Variants in IQCM observed in about 807,000 individuals in gnomAD.
The protein encoded by IQCM is IQ domain-containing protein M.
Under a neutral mutation model 57.6 loss-of-function variants are expected in IQCM, and 45 were observed. That is an observed-to-expected ratio of 0.78 (90% CI 0.62 to 1.00). IQCM has a LOEUF of 1.00. Ranked by LOEUF, IQCM falls within the 50% of genes least tolerant of loss-of-function variation. The pLI, the probability that IQCM is intolerant of heterozygous loss-of-function variation, is 0.00. For missense variants in IQCM, 468 were observed against 511.6 expected (o/e 0.91, Z 0.82); for synonymous variants, 148 against 158.9 (o/e 0.93, Z 0.51).
intron 2 of IQCM, among the ~76,000 whole-genome samples, chr4:149,794,043 T>C (rs766890729): frequency 5.3e-5 from 8 of 152,232 alleles, no homozygotes; most frequent in Non-Finnish European, 1.0e-4. Flanking sequence ...GAAGATAGCA[T>C]GCAGATGGGA....
intron 7 of IQCM, among the ~76,000 whole-genome samples, chr4:149,622,831 C>T (rs1022922901): frequency 6.6e-6 from 1 of 152,160 alleles, no homozygotes; most frequent in Admixed American, 6.5e-5. Flanking sequence ...ACCCACTCCC[C>T]TTAATGCACC....
intron 12 of IQCM, among the ~76,000 whole-genome samples, chr4:149,494,025 G>A (rs1742387057): frequency 6.6e-6 from 1 of 151,336 alleles, no homozygotes; most frequent in African/African-American, 2.4e-5. Context: ...GCTCTGTCAA[G>A]ATACAAGTCT....
intron 2 of IQCM, among the ~76,000 whole-genome samples, chr4:149,758,260 A>G (rs141225595): frequency 0.013 from 1,908 of 152,302 alleles, 16 homozygotes; most frequent in South Asian, 0.018. Context: ...ATGGTATGGA[A>G]CAACTGGACA....
intron 13 of IQCM, among the ~76,000 whole-genome samples, chr4:149,399,677 A>G (rs534919943): frequency 6.6e-6 from 1 of 152,130 alleles, no homozygotes; most frequent in Non-Finnish European, 1.5e-5. Flanking sequence ...GTCAGATTGT[A>G]TGGGCCTGAA....
chr4:149,792,878 C>T (rs1201923599), intron 2 of IQCM, among the ~76,000 whole-genome samples: 1 of 152,082 alleles, frequency 6.6e-6, no homozygotes, highest in Non-Finnish European at 1.5e-5. Flanking sequence ...GGAACAAATG[C>T]TTTAAGAAGT....
chr4:149,808,635 C>T (rs960283070), intron 2 of IQCM, among the ~76,000 whole-genome samples: 56 of 151,964 alleles, frequency 3.7e-4, no homozygotes, highest in African/African-American at 1.1e-3. Flanking sequence ...ACATTGTATA[C>T]GTGTATCAAA....
At chr4:149,499,736 G>C (rs1659035753) in intron 12 of IQCM, among the ~76,000 whole-genome samples, 1 of 152,062 alleles carries the variant, frequency 6.6e-6, no homozygotes, top group African/African-American at 2.4e-5. Context: ...ACTAATTAAA[G>C]TGGTGGCCTG....
chr4:149,654,810 T>G (rs1042897684), intron 7 of IQCM, among the ~76,000 whole-genome samples: 2 of 152,202 alleles, frequency 1.3e-5, no homozygotes, highest in African/African-American at 4.8e-5. Flanking sequence ...GTGGCCAGTA[T>G]GATTTAAGAT....
chr4:149,504,971 G>A lies in IQCM; in HGVS notation c.1228+43484C>T, dbSNP rs185062390. ...AGACTGTCTATGAACCAGGAGGCAG[G>A]CACTTATCAACATCAAGTCTGCTGG... On this transcript the variant is annotated intron_variant, in intron 12 of 13. Coordinates refer to ENST00000636793, the MANE Select transcript of IQCM (RefSeq NM_001363507.2). Among the ~76,000 whole-genome samples the A allele has an allele frequency of 2.0e-5, 3 of 152,094 alleles. No individual in the cohort carries two copies. The East Asian group carries it at 5.8e-4, about 30-fold the overall frequency.
chr4:149,493,847 A>G (rs1742361934), intron 12 of IQCM, among the ~76,000 whole-genome samples: 1 of 151,346 alleles, frequency 6.6e-6, no homozygotes, highest in African/African-American at 2.4e-5. Context: ...GGGTGCGAGT[A>G]GTTGGGAGGA....
At chr4:149,546,817 T>C (rs1420903615) in intron 12 of IQCM, among the ~76,000 whole-genome samples, 1 of 152,282 alleles carries the variant, frequency 6.6e-6, no homozygotes, top group East Asian at 1.9e-4. Context: ...AGAAGCTCTT[T>C]AGTTTAATTA....
chr4:149,745,747 C>A (rs1295826287), intron 2 of IQCM, among the ~76,000 whole-genome samples: 2 of 152,100 alleles, frequency 1.3e-5, no homozygotes, highest in African/African-American at 4.8e-5. Flanking sequence ...TGAGGCAGAA[C>A]AATTGCTTGA....
chr4:149,353,464 T>C (rs1374516412), intron 13 of IQCM, among the ~76,000 whole-genome samples: 2 of 152,116 alleles, frequency 1.3e-5, no homozygotes, highest in African/African-American at 4.8e-5. Context: ...ATCACCACCT[T>C]GTAAAGATTA....
chr4:149,469,082 A>T (rs748310680), intron 12 of IQCM, among the ~76,000 whole-genome samples: 4 of 152,236 alleles, frequency 2.6e-5, no homozygotes, highest in Non-Finnish European at 5.9e-5. Flanking sequence ...CCAAAGGAAC[A>T]CAGCTCCTCG....
intron 7 of IQCM, among the ~76,000 whole-genome samples, chr4:149,680,380 TC>T (rs1206083236): frequency 1.3e-5 from 2 of 151,362 alleles, no homozygotes; most frequent in African/African-American, 4.8e-5. Flanking sequence ...TTGATTGGTA[TC>T]TCTGCAGTCT....
chr4:149,426,894 C>T (rs767658626), intron 13 of IQCM, among the ~76,000 whole-genome samples: 4 of 151,908 alleles, frequency 2.6e-5, no homozygotes, highest in Non-Finnish European at 5.9e-5. Flanking sequence ...GGAACCACAT[C>T]CTTGGAGCCA....
chr4:149,412,598 G>C (rs1350163004), intron 13 of IQCM, among the ~76,000 whole-genome samples: 1 of 152,144 alleles, frequency 6.6e-6, no homozygotes, highest in Non-Finnish European at 1.5e-5. Context: ...AGGTGCTGTA[G>C]ATAGAAAGAT....
chr4:149,688,056 C>G (rs1250764011), intron 5 of IQCM, among the ~76,000 whole-genome samples: 1 of 151,916 alleles, frequency 6.6e-6, no homozygotes, highest in Non-Finnish European at 1.5e-5. Context: ...AGAATGCCCA[C>G]TCTTACCATT....
chr4:149,782,851 A>C (rs1463621458), intron 2 of IQCM, among the ~76,000 whole-genome samples: 2 of 152,186 alleles, frequency 1.3e-5, no homozygotes, highest in Non-Finnish European at 2.9e-5. Context: ...CTTGGCTCCT[A>C]GGATTCTACT....
Sources: gnomAD v4.1 joint callset for allele counts (sites outside exome capture counted in the v4.1 genomes callset) on GRCh38, gnomAD v4.1.1 for gene constraint, MANE v1.5 for transcripts, NCBI Gene and HGNC (gene_info 2026-07-23, HGNC 2026-07-21) for gene names.